The following GPR155 variants were observed in gnomAD, a reference collection of about 807,000 sequenced individuals.
GPR155 encodes G protein-coupled receptor 155.
A neutral mutation model predicts 93.1 loss-of-function variants in GPR155; 65 were observed. That is an observed-to-expected ratio of 0.70 (90% CI 0.57 to 0.86). The LOEUF is 0.86. Among genes scored for constraint, GPR155 ranks in the 40% least tolerant of loss-of-function variants. The probability of loss-of-function intolerance (pLI) is 0.00; values close to 1 mark genes in which losing one functional copy is unlikely to be tolerated. For missense variants in GPR155, 838 were observed against 1,034.8 expected (o/e 0.81, Z 2.61); for synonymous variants, 319 against 360.1 (o/e 0.89, Z 1.29).
chr2:174,485,912 G>A (rs1018504488), intron 1 of GPR155, among the ~76,000 whole-genome samples: 1 of 152,206 alleles, frequency 6.6e-6, no homozygotes, highest in African/African-American at 2.4e-5. Context: ...ACGAACTGAA[G>A]AAATGCTACT....
At chr2:174,438,342 G>A (rs540273289) in intron 15 of GPR155, among the ~76,000 whole-genome samples, 3 of 152,300 alleles carry the variant, frequency 2.0e-5, no homozygotes, top group Non-Finnish European at 2.9e-5. Flanking sequence ...AGGCTGGCAC[G>A]CTCCCAGCCA....
Position 174,480,831 on chromosome 2 carries a change from A to G in GPR155, c.460+666T>C, listed in dbSNP as rs1370127811. ...GTCACCCAGGCTGGAGTACAGTGGTATAATATTGACCCACTGCAACCTCTG... is the reference window on the plus strand; with the variant it reads ...GTCACCCAGGCTGGAGTACAGTGGTGTAATATTGACCCACTGCAACCTCTG... On this transcript the variant is annotated intron_variant, in intron 2 of 15. Transcript: ENST00000392552. Among the ~76,000 whole-genome samples, 3 of 152,128 alleles carry G rather than the reference A, an allele frequency of 2.0e-5. No individual in the cohort carries two copies. The East Asian group carries it at 5.8e-4, about 29-fold the overall frequency.
chr2:174,453,901 T>C (rs1357927829), intron 10 of GPR155, 60 bp from the exon 11 acceptor site: 1 of 1,142,232 alleles, frequency 8.8e-7, no homozygotes, highest in African/African-American at 1.5e-5. Flanking sequence ...TGGACAATTT[T>C]AAGAAATGCC....
rs1471218456 is a variant in GPR155 at position 174,469,022 on chromosome 2, T to C, written c.1072A>G (p.Met358Val). 6.2e-7 allele frequency: 1 copy of C among 1,614,088 alleles called. No individual in the cohort carries two copies. The highest frequency in any genetic ancestry group is 1.3e-5 in the African/African-American group (1 of 75,058). The part of the protein sequence containing the change: ...VISTFVSAPI[M>V]YVSAWLLTFP... Reference sequence around the variant, plus strand: ...GTCAGTAACCAGGCAGAAACGTACATGATGGGAGCAGACACAAATGTGCTT... The same window carrying C: ...GTCAGTAACCAGGCAGAAACGTACACGATGGGAGCAGACACAAATGTGCTT... The change falls in exon 5 of 16, where the codon ATG becomes GTG. Residue 358 changes from methionine to valine, a missense_variant. Physicochemically the swap from Met to Val is conservative, Grantham distance 21. Transcript: ENST00000392552.
chr2:174,451,450 G>A (rs115810084), intron 11 of GPR155, among the ~76,000 whole-genome samples: 533 of 152,072 alleles, frequency 3.5e-3, no homozygotes, highest in African/African-American at 0.012. Context: ...TATGCCAAGG[G>A]GTAGAGAATA....
chr2:174,471,162 C>T lies in GPR155; in HGVS notation c.861-607G>A, dbSNP rs562791628. On this transcript the variant is annotated intron_variant, in intron 3 of 15. Transcript: ENST00000392552. The stretch of plus-strand genomic sequence containing the variant: ...CAGCACTTTGGGAGGCTGAGGCAGG[C>T]GGATCACGAGTTCAGGTCAGGAGTT... 1.1e-4 allele frequency among the ~76,000 whole-genome samples: 16 copies of T among 151,876 alleles called. 1 individual carries two copies. The South Asian group carries it at 2.5e-3, about 24-fold the overall frequency.
chr2:174,439,828 A>G, intron 15 of GPR155, 70 bp downstream of exon 15: 1 of 1,366,898 alleles, frequency 7.3e-7, no homozygotes, highest in African/African-American at 1.4e-5. Context: ...TTAGCCTATT[A>G]CAATCCAAAA....
chr2:174,475,866 A>G (rs907212654), intron 2 of GPR155, among the ~76,000 whole-genome samples: 7 of 151,616 alleles, frequency 4.6e-5, no homozygotes, highest in Admixed American at 4.6e-4. Context: ...ATTTTTCCTA[A>G]CCAGCCACAA....
At chr2:174,459,276 T>A (rs12053053) in intron 10 of GPR155, among the ~76,000 whole-genome samples, 27,650 of 152,144 alleles carry the variant, frequency 0.18, 3,064 homozygotes, top group Middle Eastern at 0.38. Flanking sequence ...TATTGTTAAA[T>A]TAACTTATGT....
At chr2:174,467,110 T>C (rs1324882851) in intron 5 of GPR155, among the ~76,000 whole-genome samples, 3 of 151,700 alleles carry the variant, frequency 2.0e-5, no homozygotes, top group African/African-American at 7.3e-5. Flanking sequence ...TGAGCCAAGA[T>C]TGCACCACTG....
chr2:174,457,262 A>C (rs1471250651), intron 10 of GPR155, among the ~76,000 whole-genome samples: 1 of 152,248 alleles, frequency 6.6e-6, no homozygotes, highest in African/African-American at 2.4e-5. Flanking sequence ...CAGTGTGCCA[A>C]GACTGCTCCA....
rs1418994171 is a variant in GPR155 at position 174,461,447 on chromosome 2, G to A, written c.1515C>T (p.His505=). 1 of 1,613,410 alleles carries A rather than the reference G, an allele frequency of 6.2e-7. No individual in the cohort carries two copies. Among genetic ancestry groups the A allele is most frequent in the Admixed American group, 1.7e-5 (1 of 60,014 alleles). The change falls in exon 9 of 16, where the codon CAC becomes CAT. Residue 505 remains histidine (H), a synonymous_variant. Transcript: ENST00000392552. The part of the protein sequence containing the change: ...LVGVLLITGK[H]NGDSIDSAFF... Reference sequence around the variant, plus strand: ...AGGCTGAGTCAATGCTATCTCCATTGTGTTTTCCAGTTATCAAAAGAACAC... The same window carrying A: ...AGGCTGAGTCAATGCTATCTCCATTATGTTTTCCAGTTATCAAAAGAACAC...
chr2:174,485,144 C>A (rs1226945561), intron 1 of GPR155, among the ~76,000 whole-genome samples: 6 of 152,122 alleles, frequency 3.9e-5, no homozygotes, highest in African/African-American at 1.2e-4. Flanking sequence ...TTGTTTTATA[C>A]CAAACAATTA....
At chr2:174,452,298 G>T (rs974558459) in intron 11 of GPR155, among the ~76,000 whole-genome samples, 2 of 152,176 alleles carry the variant, frequency 1.3e-5, no homozygotes, top group African/African-American at 4.8e-5. Context: ...TTCCTTGCCA[G>T]CAGATAGCCA....
At chr2:174,456,135 C>G (rs1032494378) in intron 10 of GPR155, among the ~76,000 whole-genome samples, 3 of 152,140 alleles carry the variant, frequency 2.0e-5, no homozygotes, top group African/African-American at 7.2e-5. Context: ...AGCCACCACG[C>G]CTGGCTGAGA....
chr2:174,436,137 G>T lies in GPR155; in HGVS notation c.2592C>A (p.Pro864=). ...TAATTTAGGTCTTAGGGGAATGTGA[G>T]GGTGGGGATGAATGCTCAATTTCTT... ...RYKEIEHSSP[P]SHSPKT is the part of the protein sequence containing the mutation. Residue 864 remains proline, a synonymous_variant, in exon 16 of 16, where the codon CCC becomes CCA. Coordinates refer to ENST00000392552, the MANE Select transcript of GPR155 (RefSeq NM_152529.7). The T allele has an allele frequency of 1.2e-6, 2 of 1,613,354 alleles. No homozygotes were observed. The highest frequency in any genetic ancestry group is 1.7e-6 in the Non-Finnish European group (2 of 1,179,304).
intron 4 of GPR155, among the ~76,000 whole-genome samples, chr2:174,469,299 C>G (rs546528684): frequency 6.6e-6 from 1 of 152,002 alleles, no homozygotes; most frequent in Non-Finnish European, 1.5e-5. Flanking sequence ...TTTATATTTA[C>G]GCATAATAAA....
intron 11 of GPR155, 26 bp downstream of exon 11, chr2:174,453,711 C>G: frequency 8.8e-7 from 1 of 1,132,076 alleles, no homozygotes; most frequent in Non-Finnish European, 1.4e-6. Context: ...CCCTTAATCC[C>G]ATCCTCATAG....
At chr2:174,464,627 G>A (rs1195273637) in intron 7 of GPR155, among the ~76,000 whole-genome samples, 1 of 151,356 alleles carries the variant, frequency 6.6e-6, no homozygotes, top group Non-Finnish European at 1.5e-5. Flanking sequence ...CATTTTAATT[G>A]ATTGATCTAG....
Sources: gnomAD v4.1 joint callset for allele counts (sites outside exome capture counted in the v4.1 genomes callset) on GRCh38, gnomAD v4.1.1 for gene constraint, MANE v1.5 for transcripts, NCBI Gene and HGNC (gene_info 2026-07-23, HGNC 2026-07-21) for gene names.